Variants in TXNDC11 observed in about 807,000 individuals in gnomAD.
TXNDC11 encodes the protein thioredoxin domain-containing protein 11.
TXNDC11 carries 68 observed loss-of-function variants against 78.0 expected under a neutral mutation model. The observed-to-expected ratio is 0.87, with a 90% CI of 0.72 to 1.07. The LOEUF is 1.07. Among genes scored for constraint, TXNDC11 ranks in the 50% least tolerant of loss-of-function variants. TXNDC11 has a pLI of 0.00. For missense variants in TXNDC11, 1,389 were observed against 1,221.8 expected, an observed-to-expected ratio of 1.14 and a Z score of -2.04; for synonymous variants, 571 against 495.2, an observed-to-expected ratio of 1.15 and a Z score of -2.03.
chr16:11,717,992 G>C (rs2051593403), intron 5 of TXNDC11, among the ~76,000 whole-genome samples: 1 of 150,536 alleles, frequency 6.6e-6, no homozygotes, highest in South Asian at 2.1e-4. Context: ...TACTATTAGA[G>C]TGCTGAGGTG....
intron 5 of TXNDC11, among the ~76,000 whole-genome samples, chr16:11,720,215 TC>T (rs1431660631): frequency 1.3e-5 from 2 of 152,068 alleles, no homozygotes; most frequent in Non-Finnish European, 2.9e-5. Context: ...AATATACAAT[TC>T]AACTAAGTCA....
In TXNDC11 at chr16:11,679,959, A is replaced by C; in HGVS notation, c.2235-122T>G. The stretch of plus-strand genomic sequence containing the variant: ...CAAGAAAAGACGTTCCGTGGATTTT[A>C]CTTACTGAAAGTAAGGAAAATGTTG... On this transcript the variant is annotated intron_variant, in intron 11 of 11. Coordinates refer to ENST00000283033, the MANE Select transcript of TXNDC11 (RefSeq NM_015914.7). The surrounding 1 kb of genome is among the most constrained non-coding windows in gnomAD (Gnocchi z 4.6). The C allele has an allele frequency of 3.4e-6, 3 of 876,268 alleles. No homozygotes were observed. The highest frequency in any genetic ancestry group is 5.2e-6 in the Non-Finnish European group (3 of 574,090). 54.3% of individuals were successfully genotyped at this position (876,268 alleles called of 1,614,324 possible). A position where few individuals can be genotyped will look rare whatever the true frequency, so the allele number is the denominator to read the frequency against.
At chr16:11,701,963 A>G (rs757625448) in intron 5 of TXNDC11, among the ~76,000 whole-genome samples, 1 of 152,074 alleles carries the variant, frequency 6.6e-6, no homozygotes, top group Non-Finnish European at 1.5e-5. Context: ...TGTTAAAAAC[A>G]ATGAGGCAGG....
At chr16:11,722,313 A>C (rs1315411472) in intron 4 of TXNDC11, among the ~76,000 whole-genome samples, 1 of 151,884 alleles carries the variant, frequency 6.6e-6, no homozygotes, top group Non-Finnish European at 1.5e-5. Context: ...ATTCATTTCC[A>C]CCTGCTCATT....
At chr16:11,700,423 T>C in intron 6 of TXNDC11, 29 bp downstream of exon 6, 1 of 1,139,684 alleles carries the variant, frequency 8.8e-7, no homozygotes. Context: ...ACCACTGCGC[T>C]AACATAAACG....
chr16:11,701,880 T>A (rs1204612486), intron 5 of TXNDC11, among the ~76,000 whole-genome samples: 2 of 152,140 alleles, frequency 1.3e-5, no homozygotes, highest in African/African-American at 4.8e-5. Flanking sequence ...ACAGCTGGGA[T>A]TTCCACTGCT....
chr16:11,698,192 T>C lies in TXNDC11; in HGVS notation c.1040A>G (p.Lys347Arg). 3 of 1,614,228 alleles carry C rather than the reference T, an allele frequency of 1.9e-6. No homozygotes were observed. The South Asian group carries it at 3.3e-5, about 18-fold the overall frequency. The stretch of plus-strand genomic sequence containing the variant: ...TATGAACAGAAACAGCGCTGGTCCT[T>C]TCTTCAGCTCGTTATTCAGCAGGAG... ...KSLLLNNELK[K>R]GPALFLFIPF... is the part of the protein sequence containing the mutation. The change falls in exon 7 of 12, where the codon AAA (lysine) becomes AGA (arginine). Residue 347 changes from lysine (K) to arginine (R), a missense_variant. Transcript: ENST00000283033.
chr16:11,679,879 A>G lies in TXNDC11; in HGVS notation c.2235-42T>C. The stretch of plus-strand genomic sequence containing the variant: ...AGGAAGCAAAGACAGGAGTCACACC[A>G]ACACAATGAGTCCAAAAGCAGGCTG... On this transcript the variant is annotated intron_variant, in intron 11 of 11. Transcript: ENST00000283033. The surrounding 1 kb of genome is among the most constrained non-coding windows in gnomAD (Gnocchi z 4.6). The G allele has an allele frequency of 6.4e-7, 1 of 1,558,660 alleles. No individual in the cohort carries two copies.
At chr16:11,694,894 T>C (rs1567304828) in intron 7 of TXNDC11, among the ~76,000 whole-genome samples, 1 of 152,260 alleles carries the variant, frequency 6.6e-6, no homozygotes, top group Non-Finnish European at 1.5e-5. Context: ...ATTTATTTCA[T>C]GTGAATAATT....
chr16:11,730,516 G>A (rs937225105), intron 4 of TXNDC11, 129 bp downstream of exon 4: 4 of 918,842 alleles, frequency 4.4e-6, no homozygotes, highest in South Asian at 2.0e-5. Context: ...AACTGGGGCT[G>A]ATCTATCACA....
At position 11,684,259 on chromosome 16, in the gene TXNDC11, A is replaced by G; in HGVS notation, c.2154-14T>C. 6.2e-7 allele frequency: 1 copy of G among 1,603,966 alleles called. No homozygotes were observed. Among genetic ancestry groups the G allele is most frequent in the Non-Finnish European group, 8.5e-7 (1 of 1,171,378 alleles). ...GACACGTCAATCCTGGTAAAGGGAA[A>G]GAACAGAAATGGCAGATGATCAGCC... On this transcript the variant is annotated splice_polypyrimidine_tract_variant and intron_variant, in intron 10 of 11. Transcript: ENST00000283033.
At chr16:11,730,871 A>C in intron 3 of TXNDC11, 97 bp from the exon 4 acceptor site, 3 of 935,520 alleles carry the variant, frequency 3.2e-6, no homozygotes, top group African/African-American at 1.7e-5. Context: ...CCACCACAAA[A>C]TGAAAGTGTC....
intron 3 of TXNDC11, 54 bp downstream of exon 3, chr16:11,733,928 T>G: frequency 7.5e-7 from 1 of 1,341,516 alleles, no homozygotes; most frequent in South Asian, 1.2e-5. Flanking sequence ...CAAAATTCAT[T>G]TATAAACTGG....
intron 5 of TXNDC11, chr16:11,703,766 T>C (rs1375998841): frequency 1.4e-6 from 1 of 700,526 alleles, no homozygotes; most frequent in Non-Finnish European, 2.6e-6. Context: ...GTGAAGAAAG[T>C]ACAAGATAAG....
At position 11,691,180 on chromosome 16, in the gene TXNDC11, G is replaced by C. The variant is rs533110490; in HGVS notation, c.1900+110C>G. ...GGTCTAAAGACTTAAAATGAGCTAC[G>C]AAGGTGACATCACCCCACAACTAAA... is the stretch of plus-strand genomic sequence containing the variant. On this transcript the variant is annotated intron_variant, in intron 8 of 11. Coordinates refer to ENST00000283033, the MANE Select transcript of TXNDC11 (RefSeq NM_015914.7). 10 of 900,938 alleles carry C rather than the reference G, an allele frequency of 1.1e-5. No homozygotes were observed. The East Asian group carries it at 1.2e-4, about 11-fold the overall frequency. The allele number at this position is 900,938 out of a possible 1,614,324, so 55.8% of individuals were successfully genotyped here. A position where few individuals can be genotyped will look rare whatever the true frequency, so the allele number is the denominator to read the frequency against.
At chr16:11,739,895 T>TA (rs563758341) in intron 1 of TXNDC11, among the ~76,000 whole-genome samples, 64 of 147,170 alleles carry the variant, frequency 4.3e-4, no homozygotes, top group East Asian at 1.2e-3. Flanking sequence ...AAAATTAAAT[T>TA]AAAAAAAAAA....
intron 10 of TXNDC11, among the ~76,000 whole-genome samples, chr16:11,685,015 G>C (rs139647273): frequency 0.019 from 2,877 of 152,346 alleles, 52 homozygotes; most frequent in Non-Finnish European, 0.03. Context: ...GGGGGAGTGA[G>C]GGTGCGGTAA....
Position 11,742,577 on chromosome 16 carries a change from G to A in TXNDC11, c.154C>T (p.Leu52=). The A allele has an allele frequency of 2.7e-6, 4 of 1,457,972 alleles. No individual in the cohort carries two copies. Among genetic ancestry groups the A allele is most frequent in the South Asian group, 1.3e-5 (1 of 75,368 alleles). 90.3% of individuals were successfully genotyped at this position (1,457,972 alleles called of 1,614,324 possible). The stretch of plus-strand genomic sequence containing the variant: ...CGCGCCATGAGGAAGGCGCCACGCA[G>A]CCCGCGACGGAGCCGGCCCGCCGAG... The part of the protein sequence containing the change: ...ASSAGRLRRG[L]RGAFLMARQR... The change falls in exon 1 of 12, where the codon CTG becomes TTG. Residue 52 remains leucine (L), a synonymous_variant. Transcript: ENST00000283033.
At position 11,691,445 on chromosome 16, in the gene TXNDC11, A is replaced by T. The variant is rs781082905; in HGVS notation, c.1745T>A (p.Ile582Asn). 6.2e-7 allele frequency: 1 copy of T among 1,614,080 alleles called. No individual in the cohort carries two copies. Residue 582 changes from isoleucine to asparagine, a missense_variant, in exon 8 of 12, where the codon ATC becomes AAC. Physicochemically the swap from Ile to Asn is moderately radical, Grantham distance 149. Coordinates refer to ENST00000283033, the MANE Select transcript of TXNDC11 (RefSeq NM_015914.7). Reference protein sequence around the residue: ...LSCRTNKTLNIYLLDSNLFWL... With the variant: ...LSCRTNKTLNNYLLDSNLFWL... ...AAACAAATTTGAATCCAAAAGGTAG[A>T]TGTTGAGAGTCTTGTTGGTTCTGCA...
Sources: allele counts gnomAD v4.1 joint callset (sites outside exome capture counted in the v4.1 genomes callset), GRCh38; gene constraint gnomAD v4.1.1; non-coding constraint Gnocchi (gnomAD v3.1); transcripts MANE v1.5; gene names NCBI Gene and HGNC (gene_info 2026-07-23, HGNC 2026-07-21).